The following C1orf87 variants were observed in gnomAD, a reference collection of about 807,000 sequenced individuals.
C1orf87 encodes chromosome 1 open reading frame 87, also known as uncharacterized protein C1orf87.
A neutral mutation model predicts 60.5 loss-of-function variants in C1orf87; 58 were observed. The ratio of observed to expected loss-of-function variants is 0.96; its 90% CI spans 0.78 to 1.19. The LOEUF is 1.19. C1orf87 is among the 50% of genes most tolerant of loss of function. The pLI is 0.00. For synonymous variants in C1orf87, 236 were observed against 227.4 expected (o/e 1.04, Z -0.34); for missense variants, 673 against 638.6 (o/e 1.05, Z -0.58).
At chr1:60,057,287 G>A (rs950492953) in intron 2 of C1orf87, among the ~76,000 whole-genome samples, 2 of 152,148 alleles carry the variant, frequency 1.3e-5, no homozygotes, top group African/African-American at 2.4e-5. Context: ...ATAGGGAGTT[G>A]CAATGAGGTA....
intron 3 of C1orf87, among the ~76,000 whole-genome samples, chr1:60,043,717 C>T (rs751715516): frequency 3.3e-5 from 5 of 152,100 alleles, no homozygotes; most frequent in Non-Finnish European, 7.4e-5. Context: ...ACATATTGTT[C>T]ACAGGACAAT....
intron 3 of C1orf87, among the ~76,000 whole-genome samples, chr1:60,049,187 A>G (rs1318876604): frequency 1.3e-5 from 2 of 152,048 alleles, no homozygotes; most frequent in African/African-American, 4.8e-5. Flanking sequence ...TTTTCCATTT[A>G]AATTTTTTTC....
chr1:59,990,614 TG>T lies in C1orf87; in HGVS notation c.*58del. The T allele has an allele frequency of 1.3e-6, 2 of 1,580,142 alleles. No homozygotes were observed. The highest frequency in any genetic ancestry group is 2.7e-5 in the African/African-American group (2 of 74,228). Reference sequence around the variant, plus strand: ...ACTACACTTAGGCTGGGGAGAAACATGTGTCTGGGTAAAAAGGGAGATAAGG... The same window carrying T: ...ACTACACTTAGGCTGGGGAGAAACATTGTCTGGGTAAAAAGGGAGATAAGG... On this transcript the variant is annotated 3_prime_UTR_variant, in exon 12 of 12. Transcript: ENST00000371201.
rs1452251767 is a variant in C1orf87, at chr1:60,072,566, G to A, written c.78C>T (p.His26=). The A allele has an allele frequency of 1.9e-6, 3 of 1,612,752 alleles. No homozygotes were observed. Among genetic ancestry groups the A allele is most frequent in the Middle Eastern group, 1.6e-4 (1 of 6,062 alleles). The part of the protein sequence containing the change: ...EIMVKIIGSK[H]FQYLVEKPKI... ...TTGGCTTCTCCACGAGGTATTGAAA[G>A]TGTTTACTTCCAATGATTTTCACCA... Residue 26 remains histidine (H), a synonymous_variant, in exon 2 of 12, where the codon CAC becomes CAT. Transcript: ENST00000371201.
intron 2 of C1orf87, among the ~76,000 whole-genome samples, chr1:60,062,103 A>T (rs906373680): frequency 1.3e-5 from 2 of 152,200 alleles, no homozygotes; most frequent in Non-Finnish European, 2.9e-5. Context: ...CCCGAGAGGC[A>T]GAATGCTTCC....
At chr1:60,050,964 G>T (rs1290355548) in intron 3 of C1orf87, among the ~76,000 whole-genome samples, 2 of 152,130 alleles carry the variant, frequency 1.3e-5, no homozygotes, top group African/African-American at 4.8e-5. Context: ...CTCAGTCTTG[G>T]AAATCAGACG....
intron 5 of C1orf87, 43 bp from the exon 6 acceptor site, chr1:60,038,150 A>G: frequency 1.5e-6 from 2 of 1,300,526 alleles, no homozygotes; most frequent in Non-Finnish European, 2.1e-6. Flanking sequence ...TTTAATTTAT[A>G]TGTAAGGAAA....
chr1:60,072,969 A>C (rs1431084201), intron 1 of C1orf87, among the ~76,000 whole-genome samples: 1 of 152,198 alleles, frequency 6.6e-6, no homozygotes, highest in Non-Finnish European at 1.5e-5. Context: ...GATCTACTGA[A>C]TCATTAGGTG....
Position 60,025,388 on chromosome 1 carries a change from A to G in C1orf87, c.1127+13T>C, listed in dbSNP as rs752395141. ...GGATACAAACATTCAGTTCTTAATA[A>G]GAGTTGACTTACTTTATTTCATTTT... On this transcript the variant is annotated intron_variant, in intron 8 of 11. Transcript: ENST00000371201. The G allele has an allele frequency of 1.0e-5, 16 of 1,592,516 alleles. No individual in the cohort carries two copies. The East Asian group carries it at 2.7e-4, about 27-fold the overall frequency.
chr1:60,070,938 TA>T (rs886458927), intron 2 of C1orf87, among the ~76,000 whole-genome samples: 14 of 152,170 alleles, frequency 9.2e-5, no homozygotes, highest in Admixed American at 2.6e-4. Context: ...AGAATAAGGC[TA>T]AACAAATAAC....
intron 11 of C1orf87, 106 bp downstream of exon 11, chr1:59,997,503 T>C: frequency 1.0e-6 from 1 of 981,186 alleles, no homozygotes; most frequent in South Asian, 1.6e-5. Flanking sequence ...ACATGATTTA[T>C]ATATTAATTG....
In C1orf87 at chr1:60,016,358, A is replaced by G. The variant is rs4915856; in HGVS notation, c.1128-5902T>C. On this transcript the variant is annotated intron_variant, in intron 8 of 11. Coordinates refer to ENST00000371201, the MANE Select transcript of C1orf87 (RefSeq NM_152377.3). ...TGCATATGCATTAATTCTTTATCCA[A>G]TCAAGTCAAGGGGTTATTTTGATCA... is the stretch of plus-strand genomic sequence containing the variant. 4.7e-4 allele frequency among the ~76,000 whole-genome samples: 72 copies of G among 152,288 alleles called. No homozygotes were observed. The East Asian group carries it at 6.6e-3, about 14-fold the overall frequency.
At chr1:60,040,210 GA>G in intron 4 of C1orf87, 30 bp from the exon 5 acceptor site, 1 of 1,590,832 alleles carries the variant, frequency 6.3e-7, no homozygotes, top group Non-Finnish European at 8.5e-7. Flanking sequence ...CAAAGAGCAA[GA>G]CTCTTCAATC....
intron 2 of C1orf87, among the ~76,000 whole-genome samples, chr1:60,069,905 G>A (rs562720866): frequency 6.6e-6 from 1 of 152,260 alleles, no homozygotes; most frequent in East Asian, 1.9e-4. Flanking sequence ...TAATGTAATT[G>A]ACTGATGTCT....
chr1:60,053,828 A>G (rs1042345577), intron 3 of C1orf87, among the ~76,000 whole-genome samples: 5 of 151,970 alleles, frequency 3.3e-5, no homozygotes, highest in Non-Finnish European at 5.9e-5. Context: ...CTAGACAAAC[A>G]TCTTATCTAC....
At chr1:60,069,972 G>A (rs1645573800) in intron 2 of C1orf87, among the ~76,000 whole-genome samples, 1 of 152,202 alleles carries the variant, frequency 6.6e-6, no homozygotes, top group African/African-American at 2.4e-5. Context: ...GCCATGTGAA[G>A]CTTGGAGATA....
intron 3 of C1orf87, among the ~76,000 whole-genome samples, chr1:60,050,251 A>G (rs1048879148): frequency 2.6e-5 from 4 of 152,064 alleles, no homozygotes; most frequent in African/African-American, 9.7e-5. Context: ...TTTATGTACA[A>G]GAAAACAGCA....
intron 3 of C1orf87, among the ~76,000 whole-genome samples, chr1:60,043,538 T>G (rs1289406510): frequency 2.0e-5 from 3 of 152,112 alleles, no homozygotes; most frequent in African/African-American, 7.2e-5. Flanking sequence ...GATGCCACCA[T>G]GCCCAGCTAA....
rs78108685 is a variant in C1orf87 at position 59,993,255 on chromosome 1, C to T, written c.1481-2422G>A. ...AAATAAATACATAAATACATAAATA[C>T]ATAAATAAATGTCAAAAGAGGAAAG... On this transcript the variant is annotated intron_variant, in intron 11 of 11. Transcript: ENST00000371201. 4.6e-3 allele frequency among the ~76,000 whole-genome samples: 682 copies of T among 147,514 alleles called. 16 individuals carry two copies. Among genetic ancestry groups the T allele is most frequent in the East Asian group, 0.023 (118 of 5,152 alleles).
Sources: allele counts gnomAD v4.1 joint callset (sites outside exome capture counted in the v4.1 genomes callset), GRCh38; gene constraint gnomAD v4.1.1; transcripts MANE v1.5; gene names NCBI Gene and HGNC (gene_info 2026-07-23, HGNC 2026-07-21).